CAMSAP1: variants seen among roughly 807,000 people sequenced by gnomAD.
CAMSAP1 encodes calmodulin-regulated spectrin-associated protein 1.
CAMSAP1 carries 58 observed loss-of-function variants against 143.5 expected under a neutral mutation model. The ratio of observed to expected loss-of-function variants is 0.40; its 90% CI spans 0.33 to 0.50. The LOEUF (loss-of-function observed/expected upper bound fraction) is 0.50, where lower values mean the gene tolerates loss of function less well. Among genes scored for constraint, CAMSAP1 ranks in the 20% least tolerant of loss-of-function variants. The pLI is 0.45. For missense variants in CAMSAP1, 1,969 were observed against 2,115.7 expected, an observed-to-expected ratio of 0.93 and a Z score of 1.36; for synonymous variants, 945 against 859.3, an observed-to-expected ratio of 1.10 and a Z score of -1.74.
At chr9:135,828,327 ATGTGT>A (rs1835746923) in intron 7 of CAMSAP1, among the ~76,000 whole-genome samples, 1 of 152,182 alleles carries the variant, frequency 6.6e-6, no homozygotes. Flanking sequence ...CCACTAGGTG[ATGTGT>A]TGTGAACATG....
intron 3 of CAMSAP1, among the ~76,000 whole-genome samples, chr9:135,880,040 G>A (rs148730180): frequency 2.0e-4 from 31 of 152,032 alleles, no homozygotes; most frequent in Non-Finnish European, 3.4e-4. Flanking sequence ...ATAAGATTAC[G>A]GGTAATTTAC....
Position 135,809,789 on chromosome 9 carries a change from A to C in CAMSAP1, c.*1520T>G, listed in dbSNP as rs1409210251. ...AGGACAGAGAGCGGCTGTGTCGAAC[A>C]CGATATATACAAAATCGCAAGAGAC... is the stretch of plus-strand genomic sequence containing the variant. On this transcript the variant is annotated 3_prime_UTR_variant, in exon 17 of 17. Transcript: ENST00000389532. 1 of 152,594 alleles carries C rather than the reference A, an allele frequency of 6.6e-6. No individual in the cohort carries two copies. Among genetic ancestry groups the C allele is most frequent in the Non-Finnish European group, 1.5e-5 (1 of 68,040 alleles). The allele number at this position is 152,594 out of a possible 1,614,324, so 9.5% of individuals were successfully genotyped here. A position where few individuals can be genotyped will look rare whatever the true frequency, so the allele number is the denominator to read the frequency against.
In CAMSAP1 at chr9:135,811,734, A is replaced by ACGGC. The variant is rs1835061277; in HGVS notation, c.4507-127_4507-124dup. The ACGGC allele has an allele frequency of 2.3e-6, 2 of 862,856 alleles. No homozygotes were observed. The highest frequency in any genetic ancestry group is 3.4e-5 in the African/African-American group (2 of 59,196). 53.4% of individuals were successfully genotyped at this position (862,856 alleles called of 1,614,324 possible). ...TGGGAAGCTCTCCCACCCGTCAGCTACGGCCTGCCTGTTGTAAACAATTAC... is the reference window on the plus strand; with the variant it reads ...TGGGAAGCTCTCCCACCCGTCAGCTACGGCCGGCCTGCCTGTTGTAAACAATTAC... On this transcript the variant is annotated intron_variant, in intron 16 of 16. Coordinates refer to ENST00000389532, the MANE Select transcript of CAMSAP1 (RefSeq NM_015447.4). This position sits in a 1 kb window ranked among gnomAD's most constrained non-coding sequence, Gnocchi z 4.9.
At chr9:135,893,544 G>A (rs867042922) in intron 1 of CAMSAP1, among the ~76,000 whole-genome samples, 25 of 152,206 alleles carry the variant, frequency 1.6e-4, no homozygotes, top group Admixed American at 4.6e-4. Flanking sequence ...AAAGCATCCT[G>A]AGTGAAGAAC....
chr9:135,880,498 G>A (rs1002453268), intron 3 of CAMSAP1, among the ~76,000 whole-genome samples: 1 of 152,084 alleles, frequency 6.6e-6, no homozygotes, highest in Non-Finnish European at 1.5e-5. Context: ...CCATCCACCT[G>A]GTTCACCAAC....
In CAMSAP1 at chr9:135,818,172, G is replaced by C; in HGVS notation, c.4169-93C>G. 1 of 1,366,630 alleles carries C rather than the reference G, an allele frequency of 7.3e-7. No homozygotes were observed. Among genetic ancestry groups the C allele is most frequent in the Non-Finnish European group, 1.0e-6 (1 of 986,138 alleles). The allele number at this position is 1,366,630 out of a possible 1,614,324, so 84.7% of individuals were successfully genotyped here. A position where few individuals can be genotyped will look rare whatever the true frequency, so the allele number is the denominator to read the frequency against. On this transcript the variant is annotated intron_variant, in intron 13 of 16. Transcript: ENST00000389532. The surrounding 1 kb of genome is among the most constrained non-coding windows in gnomAD (Gnocchi z 7.7). ...CCTGTTCCCCTCACCTCGCCCTGCAGAGCTCGGCCACACAGGCCGCGTCCC... is the reference window on the plus strand; with the variant it reads ...CCTGTTCCCCTCACCTCGCCCTGCACAGCTCGGCCACACAGGCCGCGTCCC...
Position 135,810,884 on chromosome 9 carries a change from T to A in CAMSAP1, c.*425A>T. ...GTCACGAGATTACAGCTGGCCAATA[T>A]GAGGGTGTCAGGCAATGTGCAAGGG... On this transcript the variant is annotated 3_prime_UTR_variant, in exon 17 of 17. Coordinates refer to ENST00000389532, the MANE Select transcript of CAMSAP1 (RefSeq NM_015447.4). The A allele has an allele frequency of 5.2e-6, 1 of 192,526 alleles. No individual in the cohort carries two copies. The highest frequency in any genetic ancestry group is 2.3e-3 in the Middle Eastern group (1 of 444). 11.9% of individuals were successfully genotyped at this position (192,526 alleles called of 1,614,324 possible).
chr9:135,854,942 C>A (rs992008990), intron 5 of CAMSAP1, among the ~76,000 whole-genome samples: 1 of 152,078 alleles, frequency 6.6e-6, no homozygotes, highest in African/African-American at 2.4e-5. Flanking sequence ...CTCAAGGAGA[C>A]CCCAGTGTCT....
At chr9:135,828,020 G>C (rs1245309691) in intron 7 of CAMSAP1, among the ~76,000 whole-genome samples, 1 of 152,282 alleles carries the variant, frequency 6.6e-6, no homozygotes, top group Admixed American at 6.5e-5. Context: ...CAGCCAGTGA[G>C]GGACCGAGGC....
rs1835602674 is a variant in CAMSAP1 at position 135,824,545 on chromosome 9, A to T, written c.1315+244T>A. On this transcript the variant is annotated intron_variant, in intron 9 of 16. Transcript: ENST00000389532. This position sits in a 1 kb window ranked among gnomAD's most constrained non-coding sequence, Gnocchi z 4.1. ...CTGAGCATGGTGGCATGCGCCTATA[A>T]TCCCAGCTATGTGGGAGGCTGAGGC... is the stretch of plus-strand genomic sequence containing the variant. 6.6e-6 allele frequency among the ~76,000 whole-genome samples: 1 copy of T among 152,094 alleles called. No homozygotes were observed. The highest frequency in any genetic ancestry group is 2.1e-4 in the South Asian group (1 of 4,824).
chr9:135,877,388 G>A (rs1056326483), intron 3 of CAMSAP1, among the ~76,000 whole-genome samples: 3 of 151,708 alleles, frequency 2.0e-5, no homozygotes, highest in Non-Finnish European at 2.9e-5. Context: ...TTAGGGTGAT[G>A]GAAACATTAC....
intron 7 of CAMSAP1, among the ~76,000 whole-genome samples, chr9:135,840,960 T>C (rs745572273): frequency 6.6e-5 from 10 of 152,162 alleles, no homozygotes; most frequent in Non-Finnish European, 1.3e-4. Flanking sequence ...GGAGTTTTTT[T>C]TCATACCCTA....
chr9:135,818,219 G>T lies in CAMSAP1; in HGVS notation c.4169-140C>A. ...TCCCCACCCCATCCCGGGGAGCCGG[G>T]CTGCGCCTGGATGTGCCGCACATCT... On this transcript the variant is annotated intron_variant, in intron 13 of 16. Transcript: ENST00000389532. This position sits in a 1 kb window ranked among gnomAD's most constrained non-coding sequence, Gnocchi z 7.7. 1 of 1,138,562 alleles carries T rather than the reference G, an allele frequency of 8.8e-7. No individual in the cohort carries two copies. The highest frequency in any genetic ancestry group is 1.2e-6 in the Non-Finnish European group (1 of 807,474). 70.5% of individuals were successfully genotyped at this position (1,138,562 alleles called of 1,614,324 possible).
rs1834971412 is a variant in CAMSAP1 at position 135,809,664 on chromosome 9, G to A, written c.*1645C>T. The A allele has an allele frequency of 6.6e-6, 1 of 152,630 alleles. No homozygotes were observed. Among genetic ancestry groups the A allele is most frequent in the Non-Finnish European group, 1.5e-5 (1 of 68,032 alleles). 9.5% of individuals were successfully genotyped at this position (152,630 alleles called of 1,614,324 possible). On this transcript the variant is annotated 3_prime_UTR_variant, in exon 17 of 17. Transcript: ENST00000389532. ...TAATATCATATCAAACATACAGTGA[G>A]AAATAAAGCCCACGTGTGAAAGTAT...
Position 135,823,979 on chromosome 9 carries a change from T to G in CAMSAP1, c.1371A>C (p.Ala457=). The change falls in exon 10 of 17, where the codon GCA becomes GCC. Residue 457 remains alanine (A), a synonymous_variant. Coordinates refer to ENST00000389532, the MANE Select transcript of CAMSAP1 (RefSeq NM_015447.4). ...TTTTTTTTTCTGGCCAGGCTATTGCTGCTCCTCGAGGCTGACCATCAACTC... is the reference window on the plus strand; with the variant it reads ...TTTTTTTTTCTGGCCAGGCTATTGCGGCTCCTCGAGGCTGACCATCAACTC... ...LTRVDGQPRG[A]AIAWPEKKTR... The G allele has an allele frequency of 6.3e-7, 1 of 1,588,938 alleles. No individual in the cohort carries two copies. The highest frequency in any genetic ancestry group is 8.6e-7 in the Non-Finnish European group (1 of 1,167,158).
chr9:135,895,940 T>C (rs1471726121), intron 1 of CAMSAP1, among the ~76,000 whole-genome samples: 2 of 151,772 alleles, frequency 1.3e-5, no homozygotes, highest in East Asian at 3.9e-4. Context: ...AAATGGTCAA[T>C]TAACCAATAA....
intron 3 of CAMSAP1, among the ~76,000 whole-genome samples, chr9:135,873,977 A>G (rs535516824): frequency 6.6e-6 from 1 of 152,336 alleles, no homozygotes; most frequent in South Asian, 2.1e-4. Flanking sequence ...TCAACAATAT[A>G]TTAGCAAATC....
intron 7 of CAMSAP1, among the ~76,000 whole-genome samples, chr9:135,834,368 G>T (rs575480548): frequency 5.0e-4 from 76 of 152,284 alleles, no homozygotes; most frequent in Admixed American, 1.4e-3. Flanking sequence ...GTTTACTGCG[G>T]CACATTTCAT....
In CAMSAP1 at chr9:135,818,282, G is replaced by A. The variant is rs1464154073; in HGVS notation, c.4168+126C>T. ...TCTCAACATTGTCATCCATGAAACG[G>A]GGATAATCATCTCCACCCTTCCCGC... is the stretch of plus-strand genomic sequence containing the variant. On this transcript the variant is annotated intron_variant, in intron 13 of 16. Coordinates refer to ENST00000389532, the MANE Select transcript of CAMSAP1 (RefSeq NM_015447.4). The surrounding 1 kb of genome is among the most constrained non-coding windows in gnomAD (Gnocchi z 7.7). 1 of 1,151,390 alleles carries A rather than the reference G, an allele frequency of 8.7e-7. No individual in the cohort carries two copies. Among genetic ancestry groups the A allele is most frequent in the Non-Finnish European group, 1.2e-6 (1 of 823,804 alleles). 71.3% of individuals were successfully genotyped at this position (1,151,390 alleles called of 1,614,324 possible).
Sources: allele counts gnomAD v4.1 joint callset (sites outside exome capture counted in the v4.1 genomes callset), GRCh38; gene constraint gnomAD v4.1.1; non-coding constraint Gnocchi (gnomAD v3.1); transcripts MANE v1.5; gene names NCBI Gene and HGNC (gene_info 2026-07-23, HGNC 2026-07-21).